The following CACNA1A variants were observed in gnomAD, a reference collection of about 807,000 sequenced individuals.
The protein encoded by CACNA1A is calcium voltage-gated channel subunit alpha1 A, also known as voltage-dependent P/Q-type calcium channel subunit alpha-1A.
In CACNA1A, 57 loss-of-function variants were observed where a neutral mutation model predicts 262.4. The observed-to-expected ratio is 0.22, with a 90% CI of 0.18 to 0.27. CACNA1A has a LOEUF of 0.27. CACNA1A is among the 10% of genes least tolerant of loss of function. CACNA1A has a pLI of 1.00. For missense variants in CACNA1A, 2,526 were observed against 3,562.8 expected (o/e 0.71, Z 7.41); for synonymous variants, 1,431 against 1,419.3 (o/e 1.01, Z -0.18).
At chr19:13,489,373 A>G (rs971091520) in intron 1 of CACNA1A, among the ~76,000 whole-genome samples, 44 of 151,920 alleles carry the variant, frequency 2.9e-4, no homozygotes, top group African/African-American at 1.0e-3. Context: ...TTGGCAGCAT[A>G]GGTCTCCCGG....
At chr19:13,408,680 T>C (rs929169277) in intron 3 of CACNA1A, among the ~76,000 whole-genome samples, 3 of 152,222 alleles carry the variant, frequency 2.0e-5, no homozygotes, top group Non-Finnish European at 4.4e-5. Flanking sequence ...TGAGCAACTG[T>C]TCTTGCCCCA....
At chr19:13,452,826 C>G (rs754204954) in intron 3 of CACNA1A, 50 bp downstream of exon 3, 3 of 1,570,458 alleles carry the variant, frequency 1.9e-6, no homozygotes, top group Admixed American at 3.5e-5. Context: ...CCAAAAGCCT[C>G]GTAATCCTTC....
intron 1 of CACNA1A, among the ~76,000 whole-genome samples, chr19:13,474,388 C>T (rs1978314665): frequency 6.6e-6 from 1 of 152,110 alleles, no homozygotes; most frequent in African/African-American, 2.4e-5. Context: ...CCATAAGACT[C>T]AAGGAAGATG....
At position 13,249,909 on chromosome 19, in the gene CACNA1A, C is replaced by T. The variant is rs190020565; in HGVS notation, c.4866+3082G>A. 1.6e-4 allele frequency among the ~76,000 whole-genome samples: 25 copies of T among 152,250 alleles called. No individual in the cohort carries two copies. The East Asian group carries it at 3.9e-3, about 24-fold the overall frequency. On this transcript the variant is annotated intron_variant, in intron 30 of 46. Coordinates refer to ENST00000360228, the MANE Select transcript of CACNA1A (RefSeq NM_001127222.2). ...CCTGAGACCCTGGCTGAGACCCAGACTGTAGGTCACTCTCTTCAAAGGGAT... is the reference window on the plus strand; with the variant it reads ...CCTGAGACCCTGGCTGAGACCCAGATTGTAGGTCACTCTCTTCAAAGGGAT...
intron 30 of CACNA1A, among the ~76,000 whole-genome samples, chr19:13,251,833 C>T (rs1265457016): frequency 4.0e-5 from 6 of 151,278 alleles, no homozygotes; most frequent in African/African-American, 1.2e-4. Context: ...GGTGTGATCT[C>T]AGCTCACTGT....
intron 3 of CACNA1A, among the ~76,000 whole-genome samples, chr19:13,387,342 A>G (rs2059632754): frequency 6.6e-6 from 1 of 152,178 alleles, no homozygotes. Flanking sequence ...ATTCTCTTCC[A>G]GGTTGTGTGC....
chr19:13,254,950 G>A, intron 29 of CACNA1A, 145 bp downstream of exon 29: 2 of 776,292 alleles, frequency 2.6e-6, no homozygotes, highest in Non-Finnish European at 4.2e-6. Context: ...AGTGTGTCAG[G>A]TAGAGGGAAC....
At chr19:13,378,163 G>A (rs1386125543) in intron 3 of CACNA1A, among the ~76,000 whole-genome samples, 1 of 152,212 alleles carries the variant, frequency 6.6e-6, no homozygotes, top group Non-Finnish European at 1.5e-5. Flanking sequence ...ACTAGAGTTA[G>A]AAGTGGAGCC....
chr19:13,412,401 G>A (rs1046084211), intron 3 of CACNA1A, among the ~76,000 whole-genome samples: 2 of 151,678 alleles, frequency 1.3e-5, no homozygotes, highest in African/African-American at 4.8e-5. Context: ...GATAATATAA[G>A]ATACAAACAA....
chr19:13,223,279 C>A (rs751970240), intron 38 of CACNA1A, among the ~76,000 whole-genome samples: 2 of 151,762 alleles, frequency 1.3e-5, no homozygotes, highest in African/African-American at 4.8e-5. Context: ...CTGCAACCTC[C>A]GCCTCCCAGG....
At position 13,224,690 on chromosome 19, in the gene CACNA1A, G is replaced by T; in HGVS notation, c.5708C>A (p.Ala1903Asp). ...ACCCTTGGCAATCTTGATGTCCAGG[G>T]CTGTGCGGATCAGAGCCATGAGGGT... ...NSTLMALIRT[A>D]LDIKIAKGGA... The change falls in exon 38 of 47, where the codon GCC becomes GAC. Residue 1903 changes from alanine to aspartate, a missense_variant. Physicochemically the swap from Ala to Asp is moderately radical, Grantham distance 126 (BLOSUM62 -2). Transcript: ENST00000360228. The T allele has an allele frequency of 6.2e-7, 1 of 1,612,398 alleles. No individual in the cohort carries two copies.
At chr19:13,347,369 C>T (rs546156555) in intron 6 of CACNA1A, among the ~76,000 whole-genome samples, 2 of 151,886 alleles carry the variant, frequency 1.3e-5, no homozygotes, top group African/African-American at 2.4e-5. Context: ...CCCGGCCATT[C>T]GGGGTGTATA....
intron 1 of CACNA1A, among the ~76,000 whole-genome samples, chr19:13,498,841 G>A (rs900356306): frequency 6.6e-6 from 1 of 152,048 alleles, no homozygotes; most frequent in East Asian, 1.9e-4. Context: ...GGTGACCAGC[G>A]TCCCAGTTTG....
intron 3 of CACNA1A, among the ~76,000 whole-genome samples, chr19:13,400,616 G>A (rs531933002): frequency 6.6e-6 from 1 of 152,280 alleles, no homozygotes; most frequent in South Asian, 2.1e-4. Flanking sequence ...TAACAATCTA[G>A]AACAGTGACT....
intron 34 of CACNA1A, among the ~76,000 whole-genome samples, chr19:13,233,360 TACAC>T (rs1406843383): frequency 1.3e-5 from 2 of 152,340 alleles, no homozygotes; most frequent in African/African-American, 4.8e-5. Flanking sequence ...TGTGGCAAAA[TACAC>T]ACAGCATGAA....
Position 13,406,509 on chromosome 19 carries a change from A to ATATATATATATATGTATG in CACNA1A, c.540-34731_540-34730insCATACATATATATATATA, listed in dbSNP as rs1487889235. Among the ~76,000 whole-genome samples, 47 of 109,648 alleles carry ATATATATATATATGTATG rather than the reference A, an allele frequency of 4.3e-4. 2 individuals are homozygous for ATATATATATATATGTATG. The highest frequency in any genetic ancestry group is 2.6e-3 in the East Asian group (6 of 2,332). 71.9% of individuals were successfully genotyped at this position (109,648 alleles called of 152,430 possible). A position where few individuals can be genotyped will look rare whatever the true frequency, so the allele number is the denominator to read the frequency against. The stretch of plus-strand genomic sequence containing the variant: ...TATATATATATATATATATATATAT[A>ATATATATATATATGTATG]TATGAAGGGAATCTGATCCCTAACA... On this transcript the variant is annotated intron_variant, in intron 3 of 46. Coordinates refer to ENST00000360228, the MANE Select transcript of CACNA1A (RefSeq NM_001127222.2).
intron 1 of CACNA1A, among the ~76,000 whole-genome samples, chr19:13,495,766 C>G (rs1196057118): frequency 2.6e-5 from 4 of 151,866 alleles, no homozygotes; most frequent in Non-Finnish European, 5.9e-5. Flanking sequence ...CCCATTCAAC[C>G]ATCTATCATC....
chr19:13,334,294 T>TAAG, intron 8 of CACNA1A, 84 bp downstream of exon 8: 1 of 800,716 alleles, frequency 1.2e-6, no homozygotes, highest in Non-Finnish European at 2.2e-6. Flanking sequence ...CCTCCCAGCT[T>TAAG]AGCCTTCTCC....
chr19:13,285,048 T>C lies in CACNA1A; in HGVS notation c.3692+20A>G, dbSNP rs934863410. 1.2e-6 allele frequency: 2 copies of C among 1,613,590 alleles called. No individual in the cohort carries two copies. The highest frequency in any genetic ancestry group is 2.7e-5 in the African/African-American group (2 of 74,906). ...TGGGAGCCCCAGGCCCCCCCTGCCC[T>C]TGCTGGGGGCCATACTCACGGGTTG... On this transcript the variant is annotated intron_variant, in intron 21 of 46. Coordinates refer to ENST00000360228, the MANE Select transcript of CACNA1A (RefSeq NM_001127222.2).
Sources: gnomAD v4.1 joint callset for allele counts (sites outside exome capture counted in the v4.1 genomes callset) on GRCh38, gnomAD v4.1.1 for gene constraint, MANE v1.5 for transcripts, NCBI Gene and HGNC (gene_info 2026-07-23, HGNC 2026-07-21) for gene names.